The following PSD3 variants were observed in gnomAD, a reference collection of about 807,000 sequenced individuals.
The protein encoded by PSD3 is PH and SEC7 domain-containing protein 3.
A neutral mutation model predicts 105.5 loss-of-function variants in PSD3; 49 were observed. That is an observed-to-expected ratio of 0.46 (90% CI 0.37 to 0.59). The LOEUF (loss-of-function observed/expected upper bound fraction) is 0.59. Among genes scored for constraint, PSD3 ranks in the 20% least tolerant of loss-of-function variants. The probability of loss-of-function intolerance (pLI) is 0.00; values close to 1 mark genes in which losing one functional copy is unlikely to be tolerated. For missense variants in PSD3, 1,561 were observed against 1,263.8 expected (o/e 1.24, Z -3.57); for synonymous variants, 557 against 457.8 (o/e 1.22, Z -2.77).
intron 9 of PSD3, among the ~76,000 whole-genome samples, chr8:18,666,690 C>T (rs980571100): frequency 2.0e-5 from 3 of 147,480 alleles, no homozygotes; most frequent in Non-Finnish European, 4.4e-5. Context: ...TGATTTCAAC[C>T]AAGTGGGAAT....
At chr8:18,928,562 T>C (rs1385976322) in intron 2 of PSD3, among the ~76,000 whole-genome samples, 1 of 152,210 alleles carries the variant, frequency 6.6e-6, no homozygotes, top group Non-Finnish European at 1.5e-5. Context: ...AAACTAGTCA[T>C]AACAATGATT....
At chr8:18,774,952 C>G (rs1036350787) in intron 8 of PSD3, 2 of 456,142 alleles carry the variant, frequency 4.4e-6, no homozygotes, top group Non-Finnish European at 8.8e-6. Context: ...CCAAATGCCC[C>G]GAGGGAAAGA....
At chr8:18,789,288 C>A (rs184797804) in intron 8 of PSD3, among the ~76,000 whole-genome samples, 59 of 152,226 alleles carry the variant, frequency 3.9e-4, no homozygotes, top group African/African-American at 1.4e-3. Flanking sequence ...AGATGCATGA[C>A]TTCTGATACA....
chr8:18,573,588 T>C (rs1358006182), intron 13 of PSD3, among the ~76,000 whole-genome samples: 2 of 152,190 alleles, frequency 1.3e-5, no homozygotes, highest in South Asian at 4.1e-4. Flanking sequence ...CAAAATGCAG[T>C]AAATGCACAC....
intron 9 of PSD3, among the ~76,000 whole-genome samples, chr8:18,680,498 A>G (rs961259804): frequency 3.9e-5 from 6 of 152,180 alleles, no homozygotes; most frequent in Non-Finnish European, 7.3e-5. Flanking sequence ...CAGACACCCA[A>G]TGAAGAGCTG....
At chr8:19,000,870 A>G (rs1441019037) in intron 1 of PSD3, 1 of 151,868 alleles carries the variant, frequency 6.6e-6, no homozygotes, top group Non-Finnish European at 1.5e-5. Flanking sequence ...CTCATTCGCT[A>G]AAGAAACATA....
chr8:18,618,877 G>T (rs1805900908), intron 11 of PSD3, among the ~76,000 whole-genome samples: 1 of 151,782 alleles, frequency 6.6e-6, no homozygotes, highest in Non-Finnish European at 1.5e-5. Context: ...GTAGAGATGG[G>T]GTCTTAATAT....
In PSD3 at chr8:18,632,749, T is replaced by A. The variant is rs1384645525; in HGVS notation, c.2274A>T (p.Gly758=). 1 of 1,606,726 alleles carries A rather than the reference T, an allele frequency of 6.2e-7. No individual in the cohort carries two copies. Among genetic ancestry groups the A allele is most frequent in the East Asian group, 2.2e-5 (1 of 44,804 alleles). ...TACGACTGATGGTCTTTGGATGTGT[T>A]CCGTTAGCTTTCTCCTCAGTACTTT... ...PSESTEEKAN[G]THPKTISRIG... The change falls in exon 11 of 16, where the codon GGA becomes GGT. Residue 758 remains glycine (G), a synonymous_variant. Transcript: ENST00000327040.
intron 1 of PSD3, among the ~76,000 whole-genome samples, chr8:19,074,189 G>A (rs1829370969): frequency 6.6e-6 from 1 of 152,124 alleles, no homozygotes; most frequent in Non-Finnish European, 1.5e-5. Flanking sequence ...CCAACTCCCA[G>A]TACGGTCTGA....
chr8:18,617,010 T>C (rs1805742523), intron 11 of PSD3, among the ~76,000 whole-genome samples: 1 of 152,164 alleles, frequency 6.6e-6, no homozygotes. Context: ...CTCTACTCCA[T>C]TGAGGGTCGT....
At chr8:18,933,386 CA>C (rs34771726) in intron 2 of PSD3, among the ~76,000 whole-genome samples, 14,699 of 137,436 alleles carry the variant, frequency 0.11, 1,093 homozygotes, top group East Asian at 0.33. Flanking sequence ...TTATTATAGC[CA>C]AAAAAAAAAA....
intron 1 of PSD3, among the ~76,000 whole-genome samples, chr8:18,943,744 C>G (rs1473778901): frequency 6.6e-6 from 1 of 152,074 alleles, no homozygotes; most frequent in African/African-American, 2.4e-5. Context: ...AGAGATTTTT[C>G]AAAGAGCACT....
In PSD3 at chr8:18,573,216, T is replaced by A. The variant is rs148213883; in HGVS notation, c.2640-544A>T. Among the ~76,000 whole-genome samples the A allele has an allele frequency of 6.5e-4, 99 of 152,294 alleles. No individual in the cohort carries two copies. In the East Asian group the frequency reaches 0.018, roughly 27 times the overall value. Reference sequence around the variant, plus strand: ...CAGACGTGGTGGCTCATGCCTGTAATCCCAGCACTTTGGGAAGCCGAGGTG... The same window carrying A: ...CAGACGTGGTGGCTCATGCCTGTAAACCCAGCACTTTGGGAAGCCGAGGTG... On this transcript the variant is annotated intron_variant, in intron 13 of 15. Coordinates refer to ENST00000327040, the MANE Select transcript of PSD3 (RefSeq NM_015310.4).
intron 1 of PSD3, among the ~76,000 whole-genome samples, chr8:18,950,186 A>G (rs1341099957): frequency 6.6e-6 from 1 of 152,254 alleles, no homozygotes; most frequent in Admixed American, 6.5e-5. Context: ...ATTTATTTGT[A>G]ATGAATATTC....
intron 2 of PSD3, among the ~76,000 whole-genome samples, chr8:18,899,123 C>T (rs765906027): frequency 3.3e-5 from 5 of 152,118 alleles, no homozygotes; most frequent in Admixed American, 6.5e-5. Context: ...TTTTCTAGAA[C>T]TGCTTCTTCC....
chr8:18,597,099 A>C (rs73582032), intron 12 of PSD3, among the ~76,000 whole-genome samples: 835 of 40,102 alleles, frequency 0.021, 214 homozygotes, highest in African/African-American at 0.043. Context: ...TCAACAGTAC[A>C]TTAAAAGGAT....
chr8:18,706,891 A>C (rs1423325134), intron 9 of PSD3, among the ~76,000 whole-genome samples: 2 of 152,210 alleles, frequency 1.3e-5, no homozygotes, highest in African/African-American at 4.8e-5. Context: ...CAGCTTAGAC[A>C]GCATTTATTT....
At chr8:18,798,132 A>G (rs981572144) in intron 8 of PSD3, among the ~76,000 whole-genome samples, 1 of 152,144 alleles carries the variant, frequency 6.6e-6, no homozygotes, top group African/African-American at 2.4e-5. Context: ...GTCAAGATTC[A>G]CACTGTGAAA....
At chr8:18,588,038 A>T (rs576842447) in intron 12 of PSD3, among the ~76,000 whole-genome samples, 47 of 152,130 alleles carry the variant, frequency 3.1e-4, no homozygotes, top group Non-Finnish European at 6.0e-4. Flanking sequence ...ACATGCTACA[A>T]CCTGGCCAAG....
Sources: allele counts gnomAD v4.1 joint callset (sites outside exome capture counted in the v4.1 genomes callset), GRCh38; gene constraint gnomAD v4.1.1; transcripts MANE v1.5; gene names NCBI Gene and HGNC (gene_info 2026-07-23, HGNC 2026-07-21).